Variants in PYHIN1 observed in about 807,000 individuals in gnomAD.
PYHIN1 encodes pyrin and HIN domain family member 1.
In PYHIN1, 32 loss-of-function variants were observed where a neutral mutation model predicts 43.7. The ratio of observed to expected loss-of-function variants is 0.73; its 90% CI spans 0.55 to 0.98. The LOEUF (loss-of-function observed/expected upper bound fraction) is 0.98. Ranked by LOEUF, PYHIN1 falls within the 50% of genes least tolerant of loss-of-function variation. PYHIN1 has a pLI of 0.00. For synonymous variants in PYHIN1, 205 were observed against 203.1 expected (o/e 1.01, Z -0.08); for missense variants, 588 against 589.5 (o/e 1.00, Z 0.03).
intron 7 of PYHIN1, among the ~76,000 whole-genome samples, chr1:158,952,990 A>T (rs113781167): frequency 0.11 from 17,005 of 152,154 alleles, 1,104 homozygotes; most frequent in Non-Finnish European, 0.12. Flanking sequence ...GAAAGGGGTG[A>T]TCGACGCACC....
chr1:158,975,244 TATTA>T (rs1366101141), intron 8 of PYHIN1, among the ~76,000 whole-genome samples: 3 of 152,084 alleles, frequency 2.0e-5, no homozygotes, highest in African/African-American at 7.2e-5. Context: ...ACTGTGTTTG[TATTA>T]ATTATTAATT....
intron 7 of PYHIN1, among the ~76,000 whole-genome samples, chr1:158,967,428 G>T (rs566966641): frequency 6.6e-6 from 1 of 151,788 alleles, no homozygotes; most frequent in African/African-American, 2.4e-5. Context: ...ACAAAACACT[G>T]CTCAAAGAAA....
chr1:158,942,439 A>G, intron 5 of PYHIN1, 40 bp downstream of exon 5: 1 of 1,479,850 alleles, frequency 6.8e-7, no homozygotes. Flanking sequence ...TTCTACAATA[A>G]CACTTGAAAT....
chr1:158,946,318 TA>T (rs916001076), intron 7 of PYHIN1, among the ~76,000 whole-genome samples: 8 of 152,092 alleles, frequency 5.3e-5, no homozygotes, highest in African/African-American at 1.9e-4. Flanking sequence ...TAATGAATGG[TA>T]AAAAAAATCA....
chr1:158,938,274 A>G, intron 2 of PYHIN1, 123 bp from the exon 3 acceptor site: 2 of 1,037,936 alleles, frequency 1.9e-6, no homozygotes, highest in Non-Finnish European at 2.9e-6. Flanking sequence ...CTAATGCAAT[A>G]GAGATAGACT....
chr1:158,944,371 A>G (rs573457975), intron 6 of PYHIN1, among the ~76,000 whole-genome samples: 1 of 152,356 alleles, frequency 6.6e-6, no homozygotes, highest in East Asian at 1.9e-4. Context: ...AAATGAGATC[A>G]TGGATATACA....
At chr1:158,990,804 A>G in the PYHIN1 span, among the ~76,000 whole-genome samples, 39 of 152,260 alleles carry the variant, frequency 2.6e-4, no homozygotes, top group African/African-American at 8.7e-4. Flanking sequence ...TCTCATCTCA[A>G]ATTGTAATCC....
downstream of PYHIN1, among the ~76,000 whole-genome samples, chr1:158,978,864 G>T (rs2101748090): frequency 6.6e-6 from 1 of 152,232 alleles, no homozygotes; most frequent in South Asian, 2.1e-4. Flanking sequence ...CTACACATCA[G>T]AGCTCCTACT....
intron 7 of PYHIN1, among the ~76,000 whole-genome samples, chr1:158,954,640 CA>C (rs1425553424): frequency 8.2e-5 from 12 of 146,926 alleles, no homozygotes; most frequent in Admixed American, 2.0e-4. Flanking sequence ...CCAGCCGCTG[CA>C]AAATCATGCC....
intron 7 of PYHIN1, among the ~76,000 whole-genome samples, chr1:158,946,038 G>T (rs1300065492): frequency 1.3e-5 from 2 of 152,154 alleles, no homozygotes; most frequent in African/African-American, 2.4e-5. Context: ...ATTATATGGG[G>T]CTTTAGATTA....
At chr1:158,973,921 C>A in intron 8 of PYHIN1, 150 bp downstream of exon 8, 2 of 936,524 alleles carry the variant, frequency 2.1e-6, no homozygotes, top group Non-Finnish European at 1.5e-6. Flanking sequence ...TATAATTGGA[C>A]ATGCCACTGG....
chr1:158,934,891 G>A (rs1227260532), intron 1 of PYHIN1, among the ~76,000 whole-genome samples: 1 of 152,020 alleles, frequency 6.6e-6, no homozygotes, highest in African/African-American at 2.4e-5. Context: ...CACCATGCCT[G>A]GCTAACTTTT....
At chr1:158,952,619 T>C (rs1004449669) in intron 7 of PYHIN1, among the ~76,000 whole-genome samples, 8 of 152,156 alleles carry the variant, frequency 5.3e-5, no homozygotes, top group Admixed American at 3.3e-4. Flanking sequence ...TTCCTCCTCC[T>C]TCCCCTTTTT....
the PYHIN1 span, among the ~76,000 whole-genome samples, chr1:158,986,644 C>G: frequency 2.0e-5 from 3 of 152,206 alleles, no homozygotes; most frequent in African/African-American, 7.2e-5. Flanking sequence ...TGGGGACACT[C>G]TGATCAAACC....
At chr1:158,972,623 T>A (rs1480617793) in intron 7 of PYHIN1, among the ~76,000 whole-genome samples, 1 of 152,066 alleles carries the variant, frequency 6.6e-6, no homozygotes, top group African/African-American at 2.4e-5. Flanking sequence ...TTCAGAACCA[T>A]AACTCACAGT....
intron 7 of PYHIN1, among the ~76,000 whole-genome samples, chr1:158,970,041 T>A (rs984549707): frequency 6.6e-6 from 1 of 152,024 alleles, no homozygotes; most frequent in East Asian, 1.9e-4. Context: ...AAAATTTGTG[T>A]ATGATATAGG....
In PYHIN1 at chr1:158,973,637, A is replaced by T. The variant is rs753716283; in HGVS notation, c.1360-10A>T. The T allele has an allele frequency of 6.2e-7, 1 of 1,612,490 alleles. No individual in the cohort carries two copies. Among genetic ancestry groups the T allele is most frequent in the African/African-American group, 1.3e-5 (1 of 74,938 alleles). ...GTGAAAGACTAAATTACCCAAATTTATGACTCCAGAAGGATGAAACCCACC... is the reference window on the plus strand; with the variant it reads ...GTGAAAGACTAAATTACCCAAATTTTTGACTCCAGAAGGATGAAACCCACC... On this transcript the variant is annotated splice_polypyrimidine_tract_variant and intron_variant, in intron 7 of 8. Coordinates refer to ENST00000368140, the MANE Select transcript of PYHIN1 (RefSeq NM_152501.5).
chr1:158,949,374 T>C (rs2097592), intron 7 of PYHIN1, among the ~76,000 whole-genome samples: 1 of 152,130 alleles, frequency 6.6e-6, no homozygotes, highest in Non-Finnish European at 1.5e-5. Flanking sequence ...CTGGCTTTTT[T>C]TGTTTTGTTT....
chr1:158,973,974 T>C (rs1428681719), intron 8 of PYHIN1, among the ~76,000 whole-genome samples: 1 of 152,066 alleles, frequency 6.6e-6, no homozygotes, highest in Non-Finnish European at 1.5e-5. Flanking sequence ...ATTCATGAAA[T>C]CATTTCTGTC....
Sources: gnomAD v4.1 joint callset for allele counts (sites outside exome capture counted in the v4.1 genomes callset) on GRCh38, gnomAD v4.1.1 for gene constraint, MANE v1.5 for transcripts, NCBI Gene and HGNC (gene_info 2026-07-23, HGNC 2026-07-21) for gene names.